Variants in PRICKLE2 observed in about 807,000 individuals in gnomAD.
PRICKLE2 encodes the protein prickle-like protein 2.
Under a neutral mutation model 81.4 loss-of-function variants are expected in PRICKLE2, and 21 were observed. That is an observed-to-expected ratio of 0.26 (90% CI 0.18 to 0.37). The LOEUF (loss-of-function observed/expected upper bound fraction) is 0.37. Ranked by LOEUF, PRICKLE2 falls within the 10% of genes least tolerant of loss-of-function variation. The pLI is 1.00. For synonymous variants in PRICKLE2, 456 were observed against 421.5 expected, an observed-to-expected ratio of 1.08 and a Z score of -1.00; for missense variants, 940 against 1,109.0, an observed-to-expected ratio of 0.85 and a Z score of 2.16.
intron 2 of PRICKLE2, among the ~76,000 whole-genome samples, chr3:64,177,542 A>C (rs1261185780): frequency 2.0e-5 from 3 of 152,162 alleles, no homozygotes; most frequent in Non-Finnish European, 4.4e-5. Context: ...TGTTAAACAG[A>C]AACTCTACAC....
At chr3:64,116,281 A>G (rs939375808) in intron 7 of PRICKLE2, among the ~76,000 whole-genome samples, 1 of 152,184 alleles carries the variant, frequency 6.6e-6, no homozygotes, top group African/African-American at 2.4e-5. Context: ...TATAAAAACT[A>G]AAAGAACTAG....
intron 1 of PRICKLE2, among the ~76,000 whole-genome samples, chr3:64,212,820 A>G (rs2078809909): frequency 6.6e-6 from 1 of 152,250 alleles, no homozygotes; most frequent in Middle Eastern, 3.4e-3. Flanking sequence ...CAAACAAACA[A>G]AAGTATTTAG....
intron 2 of PRICKLE2, among the ~76,000 whole-genome samples, chr3:64,179,027 CTTTCTTTCTTTT>C (rs1483072469): frequency 2.9e-4 from 35 of 122,750 alleles, no homozygotes; most frequent in Non-Finnish European, 4.4e-4. Flanking sequence ...TTCTTTCTTT[CTTTCTTTCTTTT>C]CTTTCCTTCT....
chr3:64,198,007 C>T (rs829520), intron 2 of PRICKLE2, among the ~76,000 whole-genome samples: 15,227 of 151,824 alleles, frequency 0.1, 1,167 homozygotes, highest in East Asian at 0.39. Flanking sequence ...GTCAGGAGAT[C>T]GAGACCATCC....
intron 1 of PRICKLE2, among the ~76,000 whole-genome samples, chr3:64,215,946 A>G (rs1004241895): frequency 3.9e-5 from 6 of 152,224 alleles, no homozygotes; most frequent in Non-Finnish European, 7.3e-5. Context: ...TGAACAATAA[A>G]AACTATCTGA....
intron 7 of PRICKLE2, among the ~76,000 whole-genome samples, chr3:64,124,937 G>C (rs1376575763): frequency 6.6e-6 from 1 of 152,106 alleles, no homozygotes; most frequent in East Asian, 1.9e-4. Flanking sequence ...AAATCTCACA[G>C]GGCTGCATCA....
In PRICKLE2 at chr3:64,153,299, C is replaced by G; in HGVS notation, c.670G>C (p.Glu224Gln). 1 of 1,614,184 alleles carries G rather than the reference C, an allele frequency of 6.2e-7. No individual in the cohort carries two copies. Among genetic ancestry groups the G allele is most frequent in the Non-Finnish European group, 8.5e-7 (1 of 1,180,024 alleles). ...TGGCCGCCCAGCACTGTCTCACACT[C>G]GAAGCAGCAAAAGTGTTTCATGTGC... ...HWHMKHFCCFECETVLGGQRY... is the reference protein window; with the variant it reads ...HWHMKHFCCFQCETVLGGQRY... Residue 224 changes from glutamate to glutamine, a missense_variant, in exon 6 of 8, where the codon GAG becomes CAG. By Grantham distance (29) the Glu-to-Gln change is conservative. Coordinates refer to ENST00000638394, the MANE Select transcript of PRICKLE2 (RefSeq NM_198859.4).
chr3:64,172,134 C>A (rs970899960), intron 2 of PRICKLE2, among the ~76,000 whole-genome samples: 9 of 152,124 alleles, frequency 5.9e-5, no homozygotes, highest in African/African-American at 2.2e-4. Flanking sequence ...TAGTTTGGAG[C>A]ATTATCTGAC....
At chr3:64,233,492 C>G (rs574015817) in intron 2 of PRICKLE2, among the ~76,000 whole-genome samples, 8 of 152,298 alleles carry the variant, frequency 5.3e-5, no homozygotes, top group African/African-American at 1.7e-4. Context: ...ACATGTGTGC[C>G]TCCTGGTCTT....
At chr3:64,120,236 C>T (rs910252790) in intron 7 of PRICKLE2, among the ~76,000 whole-genome samples, 1 of 152,126 alleles carries the variant, frequency 6.6e-6, no homozygotes, top group Non-Finnish European at 1.5e-5. Context: ...AAGTCAACTT[C>T]TAATAAAATA....
intron 2 of PRICKLE2, chr3:64,163,493 G>T (rs1310553062): frequency 8.9e-6 from 3 of 336,110 alleles, no homozygotes; most frequent in Admixed American, 4.0e-5. Context: ...TCCAGCATAT[G>T]ACGTGCCTCC....
intron 2 of PRICKLE2, among the ~76,000 whole-genome samples, chr3:64,179,323 G>C (rs1317148174): frequency 6.6e-6 from 1 of 152,042 alleles, no homozygotes; most frequent in Non-Finnish European, 1.5e-5. Flanking sequence ...TGATCCGCCT[G>C]CCTCAGCCTC....
Position 64,163,061 on chromosome 3 carries a change from C to T in PRICKLE2, c.213G>A (p.Leu71=), listed in dbSNP as rs1478678623. The T allele has an allele frequency of 6.2e-7, 1 of 1,614,066 alleles. No individual in the cohort carries two copies. The highest frequency in any genetic ancestry group is 8.5e-7 in the Non-Finnish European group (1 of 1,179,962). ...GCTGGTGTAGTAGCTGCTTGATTCG[C>T]AGTTTCTCTCCAGGACTGTTGACAT... The part of the protein sequence containing the change: ...VPYVNSPGEK[L]RIKQLLHQLP... The change falls in exon 3 of 8, where the codon CTG becomes CTA. Residue 71 remains leucine (L), a synonymous_variant. Coordinates refer to ENST00000638394, the MANE Select transcript of PRICKLE2 (RefSeq NM_198859.4).
chr3:64,244,527 T>C (rs2079316069), intron 2 of PRICKLE2, among the ~76,000 whole-genome samples: 1 of 151,350 alleles, frequency 6.6e-6, no homozygotes, highest in Non-Finnish European at 1.5e-5. Flanking sequence ...ATGCTAGACA[T>C]TCTGATGTTG....
At position 64,197,986 on chromosome 3, in the gene PRICKLE2, C is replaced by T. The variant is rs542381402; in HGVS notation, c.144+798G>A. Among the ~76,000 whole-genome samples, 59 of 151,954 alleles carry T rather than the reference C, an allele frequency of 3.9e-4. 1 individual carries two copies. In the South Asian group the frequency reaches 8.5e-3, roughly 22 times the overall value. ...CAGCACTTTGGGAGGCCAACACGGA[C>T]GGATCACGAGGTCAGGAGATCGAGA... is the stretch of plus-strand genomic sequence containing the variant. On this transcript the variant is annotated intron_variant, in intron 2 of 7. Coordinates refer to ENST00000638394, the MANE Select transcript of PRICKLE2 (RefSeq NM_198859.4).
intron 7 of PRICKLE2, among the ~76,000 whole-genome samples, chr3:64,144,490 A>G (rs73122897): frequency 0.06 from 9,127 of 152,350 alleles, 353 homozygotes; most frequent in Admixed American, 0.11. Flanking sequence ...ACATGGCAAC[A>G]AGCAGCTGGA....
chr3:64,166,498 C>G (rs185294937), intron 2 of PRICKLE2, among the ~76,000 whole-genome samples: 14 of 152,300 alleles, frequency 9.2e-5, no homozygotes, highest in Admixed American at 8.5e-4. Context: ...CTGAAGTCAA[C>G]AGAGGCAGTG....
chr3:64,195,810 T>C (rs2078443297), intron 2 of PRICKLE2, among the ~76,000 whole-genome samples: 2 of 152,232 alleles, frequency 1.3e-5, no homozygotes, highest in African/African-American at 4.8e-5. Flanking sequence ...ATGCATATTT[T>C]ATTAGGCGCT....
intron 2 of PRICKLE2, among the ~76,000 whole-genome samples, chr3:64,234,994 C>T (rs2079159253): frequency 6.6e-6 from 1 of 152,024 alleles, no homozygotes; most frequent in Admixed American, 6.6e-5. Context: ...TTTACTTGTC[C>T]CAGTAAGCAT....
Sources: allele counts gnomAD v4.1 joint callset (sites outside exome capture counted in the v4.1 genomes callset), GRCh38; gene constraint gnomAD v4.1.1; transcripts MANE v1.5; gene names NCBI Gene and HGNC (gene_info 2026-07-23, HGNC 2026-07-21).